The following DCLK1 variants were observed in gnomAD, a reference collection of about 807,000 sequenced individuals.
DCLK1 encodes doublecortin like kinase 1.
DCLK1 carries 16 observed loss-of-function variants against 86.2 expected under a neutral mutation model. That is an observed-to-expected ratio of 0.19 (90% CI 0.13 to 0.28). The LOEUF (loss-of-function observed/expected upper bound fraction) is 0.28. DCLK1 is among the 10% of genes least tolerant of loss of function. The pLI is 1.00. For missense variants in DCLK1, 590 were observed against 940.2 expected (o/e 0.63, Z 4.87); for synonymous variants, 369 against 370.5 (o/e 1.00, Z 0.05).
In DCLK1 at chr13:35,838,978, C is replaced by T; in HGVS notation, c.1120+114G>A. Reference sequence around the variant, plus strand: ...ACCCTATCCCCTTGTGATTGACCCTCAGGAGCTGCTCAGCCTTGTCCATGT... The same window carrying T: ...ACCCTATCCCCTTGTGATTGACCCTTAGGAGCTGCTCAGCCTTGTCCATGT... On this transcript the variant is annotated intron_variant, in intron 7 of 16. Coordinates refer to ENST00000360631, the MANE Select transcript of DCLK1 (RefSeq NM_001330071.2). The T allele has an allele frequency of 5.4e-6, 5 of 923,046 alleles. No individual in the cohort carries two copies. In the South Asian group the frequency reaches 7.8e-5, roughly 14 times the overall value. 57.2% of individuals were successfully genotyped at this position (923,046 alleles called of 1,614,324 possible).
At chr13:36,043,065 G>A (rs926020612) in intron 3 of DCLK1, among the ~76,000 whole-genome samples, 1 of 151,962 alleles carries the variant, frequency 6.6e-6, no homozygotes, top group African/African-American at 2.4e-5. Flanking sequence ...CCACTTAACT[G>A]GAAAGCAGTT....
At position 35,773,619 on chromosome 13, in the gene DCLK1, T is replaced by C. The variant is rs937330842; in HGVS notation, c.*916A>G. 7 of 151,534 alleles carry C rather than the reference T, an allele frequency of 4.6e-5. No individual in the cohort carries two copies. The highest frequency in any genetic ancestry group is 2.1e-4 in the South Asian group (1 of 4,758). 9.4% of individuals were successfully genotyped at this position (151,534 alleles called of 1,614,324 possible). The stretch of plus-strand genomic sequence containing the variant: ...GGTGAGAAAAATCACAGGATCTTAT[T>C]CCCTCTTTCTGTTTGAAATTCCAGC... On this transcript the variant is annotated 3_prime_UTR_variant, in exon 17 of 17. Coordinates refer to ENST00000360631, the MANE Select transcript of DCLK1 (RefSeq NM_001330071.2).
chr13:36,106,218 C>G (rs1465916704), intron 3 of DCLK1, among the ~76,000 whole-genome samples: 1 of 152,034 alleles, frequency 6.6e-6, no homozygotes, highest in South Asian at 2.1e-4. Context: ...AAAAAAAGGA[C>G]TTAAATCTTC....
chr13:36,094,857 T>C (rs1378334018), intron 3 of DCLK1, among the ~76,000 whole-genome samples: 1 of 152,164 alleles, frequency 6.6e-6, no homozygotes, highest in African/African-American at 2.4e-5. Flanking sequence ...TCACACTTAC[T>C]GAAGGCTCAA....
At chr13:35,840,288 A>C (rs1869699191) in intron 6 of DCLK1, among the ~76,000 whole-genome samples, 1 of 152,222 alleles carries the variant, frequency 6.6e-6, no homozygotes, top group Admixed American at 6.5e-5. Flanking sequence ...TAATTTCATT[A>C]TGGTCTACAG....
intron 3 of DCLK1, among the ~76,000 whole-genome samples, chr13:35,978,041 T>G (rs1268909025): frequency 6.6e-6 from 1 of 152,046 alleles, no homozygotes; most frequent in Non-Finnish European, 1.5e-5. Context: ...AAAGAAATAT[T>G]AAGGAAGTAT....
At chr13:35,882,702 A>T (rs1566584388) in intron 4 of DCLK1, among the ~76,000 whole-genome samples, 1 of 151,926 alleles carries the variant, frequency 6.6e-6, no homozygotes, top group South Asian at 2.1e-4. Context: ...ACAATTCCCC[A>T]ATACTGCCAC....
chr13:35,956,428 T>C (rs1877982783), intron 3 of DCLK1, among the ~76,000 whole-genome samples: 1 of 152,192 alleles, frequency 6.6e-6, no homozygotes, highest in African/African-American at 2.4e-5. Flanking sequence ...AACATCTTAC[T>C]GTGATAATTG....
At chr13:36,027,558 A>G (rs1882093698) in intron 3 of DCLK1, among the ~76,000 whole-genome samples, 1 of 152,232 alleles carries the variant, frequency 6.6e-6, no homozygotes, top group Non-Finnish European at 1.5e-5. Flanking sequence ...ACACATGCCT[A>G]TTTGGAATGA....
intron 3 of DCLK1, among the ~76,000 whole-genome samples, chr13:36,108,111 T>C (rs566943602): frequency 9.3e-5 from 14 of 150,390 alleles, no homozygotes; most frequent in African/African-American, 3.2e-4. Flanking sequence ...AATTAAGGCA[T>C]GGTAAGTGCT....
chr13:35,948,612 C>G (rs1418954407), intron 3 of DCLK1, among the ~76,000 whole-genome samples: 1 of 152,152 alleles, frequency 6.6e-6, no homozygotes, highest in Non-Finnish European at 1.5e-5. Context: ...TTAGAGTCCC[C>G]AAATGCAATG....
At chr13:35,975,757 C>T (rs1055295734) in intron 3 of DCLK1, among the ~76,000 whole-genome samples, 3 of 152,168 alleles carry the variant, frequency 2.0e-5, no homozygotes, top group Non-Finnish European at 4.4e-5. Context: ...CTGAAATCAC[C>T]AGAAGGATCT....
At chr13:36,016,696 T>C (rs1041393910) in intron 3 of DCLK1, among the ~76,000 whole-genome samples, 20 of 152,174 alleles carry the variant, frequency 1.3e-4, no homozygotes, top group Non-Finnish European at 2.8e-4. Flanking sequence ...AGAAACATAA[T>C]GCAAGCCACA....
intron 15 of DCLK1, among the ~76,000 whole-genome samples, chr13:35,794,805 G>T (rs916997162): frequency 2.6e-5 from 4 of 152,136 alleles, no homozygotes; most frequent in Non-Finnish European, 4.4e-5. Context: ...ATATCAATTT[G>T]CACTATTTCT....
intron 1 of DCLK1, among the ~76,000 whole-genome samples, chr13:36,128,090 T>G (rs1199508203): frequency 6.6e-6 from 1 of 152,168 alleles, no homozygotes; most frequent in Non-Finnish European, 1.5e-5. Context: ...TCTTTGGCCC[T>G]CAGTAAACTG....
intron 4 of DCLK1, among the ~76,000 whole-genome samples, chr13:35,933,139 C>T (rs1411793836): frequency 1.3e-5 from 2 of 152,214 alleles, no homozygotes; most frequent in African/African-American, 4.8e-5. Context: ...AAATGATCTC[C>T]TTTGACTTCA....
intron 14 of DCLK1, among the ~76,000 whole-genome samples, chr13:35,806,771 G>A (rs2087035709): frequency 6.6e-6 from 1 of 152,200 alleles, no homozygotes; most frequent in African/African-American, 2.4e-5. Context: ...CTCAGATCCT[G>A]CAGTGATGGC....
At chr13:36,058,769 G>C (rs1593853896) in intron 3 of DCLK1, among the ~76,000 whole-genome samples, 1 of 152,176 alleles carries the variant, frequency 6.6e-6, no homozygotes, top group African/African-American at 2.4e-5. Context: ...TTGAGCATTT[G>C]ATTTTGCTTA....
chr13:36,117,176 G>A (rs566443654), intron 2 of DCLK1, among the ~76,000 whole-genome samples: 6 of 151,870 alleles, frequency 4.0e-5, no homozygotes, highest in African/African-American at 1.4e-4. Flanking sequence ...AAAAAAAAAT[G>A]AGAGATCTAA....
Sources: gnomAD v4.1 joint callset for allele counts (sites outside exome capture counted in the v4.1 genomes callset) on GRCh38, gnomAD v4.1.1 for gene constraint, MANE v1.5 for transcripts, NCBI Gene and HGNC (gene_info 2026-07-23, HGNC 2026-07-21) for gene names.